The following MCM8 variants were observed in gnomAD, a reference collection of about 807,000 sequenced individuals.
The protein encoded by MCM8 is DNA helicase MCM8.
In MCM8, 85 loss-of-function variants were observed where a neutral mutation model predicts 98.9. The ratio of observed to expected loss-of-function variants is 0.86; its 90% confidence interval spans 0.72 to 1.03. The LOEUF (loss-of-function observed/expected upper bound fraction) is 1.03. Among genes scored for constraint, MCM8 ranks in the 50% least tolerant of loss-of-function variants. The probability of loss-of-function intolerance (pLI) is 0.00; values close to 1 mark genes in which losing one functional copy is unlikely to be tolerated. For synonymous variants in MCM8, 352 were observed against 338.6 expected (o/e 1.04, Z -0.44); for missense variants, 951 against 997.8 (o/e 0.95, Z 0.63).
In MCM8 at chr20:5,994,751, A is replaced by AAT. The variant is rs1491476750; in HGVS notation, c.*361_*362dup. The AAT allele has an allele frequency of 1.1e-5, 5 of 451,702 alleles. No individual in the cohort carries two copies. The highest frequency in any genetic ancestry group is 2.0e-5 in the African/African-American group (1 of 49,428). The allele number at this position is 451,702 out of a possible 1,614,324, so 28.0% of individuals were successfully genotyped here. A position where few individuals can be genotyped will look rare whatever the true frequency, so the allele number is the denominator to read the frequency against. On this transcript the variant is annotated 3_prime_UTR_variant, in exon 19 of 19. Coordinates refer to ENST00000610722, the MANE Select transcript of MCM8 (RefSeq NM_032485.6). The stretch of plus-strand genomic sequence containing the variant: ...CCATTTCTTAAAAAAAAAAAAAAAA[A>AAT]ATTTAAACTTAGCTGGGTATGGTGG...
rs78411050 is a variant in MCM8 at position 5,981,996 on chromosome 20, G to A, written c.1538-974G>A. On this transcript the variant is annotated intron_variant, in intron 13 of 18. Coordinates refer to ENST00000610722, the MANE Select transcript of MCM8 (RefSeq NM_032485.6). ...AAAGCTTAATACAATTAGAGGGGAAGTAACAGAGATAGAGAACAAAGGAAA... is the reference window on the plus strand; with the variant it reads ...AAAGCTTAATACAATTAGAGGGGAAATAACAGAGATAGAGAACAAAGGAAA... 9.2e-5 allele frequency among the ~76,000 whole-genome samples: 14 copies of A among 152,004 alleles called. No homozygotes were observed. The East Asian group carries it at 2.7e-3, about 29-fold the overall frequency.
intron 5 of MCM8, 125 bp from the exon 6 acceptor site, chr20:5,957,001 C>A: frequency 2.2e-6 from 1 of 461,044 alleles, no homozygotes. Context: ...ATTTAAAGGG[C>A]TGTTAAAGTT....
In MCM8 at chr20:5,996,647, A is replaced by G. The variant is rs542880794; in HGVS notation, c.*2256A>G. ...GACAGAAGAGAAAATATACTAATTT[A>G]TTGTTCAAAGAGGAAAATAAGTCTC... On this transcript the variant is annotated 3_prime_UTR_variant, in exon 19 of 19. Transcript: ENST00000610722. 2 of 152,368 alleles carry G rather than the reference A, an allele frequency of 1.3e-5. No individual in the cohort carries two copies. Among genetic ancestry groups the G allele is most frequent in the East Asian group, 3.8e-4 (2 of 5,196 alleles). 9.4% of individuals were successfully genotyped at this position (152,368 alleles called of 1,614,324 possible). A position where few individuals can be genotyped will look rare whatever the true frequency, so the allele number is the denominator to read the frequency against.
intron 5 of MCM8, among the ~76,000 whole-genome samples, chr20:5,955,861 C>T (rs2088966291): frequency 2.0e-5 from 3 of 152,078 alleles, no homozygotes; most frequent in Non-Finnish European, 4.4e-5. Flanking sequence ...TCACTGCAAC[C>T]TCTGCCTCCC....
intron 8 of MCM8, among the ~76,000 whole-genome samples, chr20:5,963,716 G>A (rs2089208905): frequency 6.6e-6 from 1 of 151,738 alleles, no homozygotes; most frequent in Non-Finnish European, 1.5e-5. Context: ...TTTTAGTAGA[G>A]GTTTAGTTTA....
chr20:5,997,121 C>A lies in MCM8; in HGVS notation c.*2730C>A, dbSNP rs1054331842. On this transcript the variant is annotated 3_prime_UTR_variant, in exon 19 of 19. Transcript: ENST00000610722. ...TAAAACAAATCCTAAGTACAAATGT[C>A]AGAACAGAAACATGCAAAGCAAGAA... 1.9e-4 allele frequency: 29 copies of A among 152,550 alleles called. No homozygotes were observed. Among genetic ancestry groups the A allele is most frequent in the African/African-American group, 7.0e-4 (29 of 41,372 alleles). 9.4% of individuals were successfully genotyped at this position (152,550 alleles called of 1,614,324 possible).
At chr20:5,990,009 A>G (rs1164435711) in intron 17 of MCM8, among the ~76,000 whole-genome samples, 1 of 152,030 alleles carries the variant, frequency 6.6e-6, no homozygotes, top group Admixed American at 6.5e-5. Flanking sequence ...CCTTTGAGCT[A>G]ATTTCTAACA....
chr20:5,982,851 A>G lies in MCM8; in HGVS notation c.1538-119A>G, dbSNP rs2089655821. On this transcript the variant is annotated intron_variant, in intron 13 of 18. Coordinates refer to ENST00000610722, the MANE Select transcript of MCM8 (RefSeq NM_032485.6). ...GTAATTCTCCATTGTATGACATTTT[A>G]TAATTTTAACTGCTGAAACAAATGG... is the stretch of plus-strand genomic sequence containing the variant. The G allele has an allele frequency of 3.5e-6, 3 of 845,378 alleles. No homozygotes were observed. The East Asian group carries it at 8.1e-5, about 23-fold the overall frequency. 52.4% of individuals were successfully genotyped at this position (845,378 alleles called of 1,614,324 possible).
chr20:5,952,073 A>G lies in MCM8; in HGVS notation c.58A>G (p.Arg20Gly), dbSNP rs537276367. 21 of 1,614,078 alleles carry G rather than the reference A, an allele frequency of 1.3e-5. 1 individual carries two copies. The South Asian group carries it at 2.2e-4, about 17-fold the overall frequency. ...ACGAGGAAGATTTCAAAGCTGGAAA[A>G]GGGGAAGAGGTGGTGGGAACTTCTC... Reference protein sequence around the residue: ...FGRGRFQSWKRGRGGGNFSGK... With the variant: ...FGRGRFQSWKGGRGGGNFSGK... Residue 20 changes from arginine to glycine, a missense_variant, in exon 2 of 19, where the codon AGG becomes GGG. Physicochemically the swap from Arg to Gly is moderately radical, Grantham distance 125. Coordinates refer to ENST00000610722, the MANE Select transcript of MCM8 (RefSeq NM_032485.6).
intron 6 of MCM8, among the ~76,000 whole-genome samples, chr20:5,958,126 A>C (rs2089035307): frequency 6.6e-6 from 1 of 152,254 alleles, no homozygotes; most frequent in Non-Finnish European, 1.5e-5. Flanking sequence ...TAATCCCAGC[A>C]CTGGGAGTCC....
chr20:5,975,415 T>C (rs1310724283), intron 12 of MCM8, among the ~76,000 whole-genome samples: 1 of 152,136 alleles, frequency 6.6e-6, no homozygotes, highest in Non-Finnish European at 1.5e-5. Flanking sequence ...GGAGCCTGTT[T>C]TAACCCCTAG....
chr20:5,983,070 G>A lies in MCM8; in HGVS notation c.1638G>A (p.Val546=). The A allele has an allele frequency of 6.2e-7, 1 of 1,614,078 alleles. No homozygotes were observed. The highest frequency in any genetic ancestry group is 8.5e-7 in the Non-Finnish European group (1 of 1,179,988). Residue 546 remains valine, a synonymous_variant, in exon 14 of 19, where the codon GTG becomes GTA. Transcript: ENST00000610722. ...QQSISLAKAG[V]VCSLPARTSI... Reference sequence around the variant, plus strand: ...GTATTAGTCTTGCTAAGGCTGGTGTGGTTTGTAGCCTTCCTGCAAGAACTT... The same window carrying A: ...GTATTAGTCTTGCTAAGGCTGGTGTAGTTTGTAGCCTTCCTGCAAGAACTT...
chr20:5,957,278 G>T (rs1193406774), intron 6 of MCM8, 49 bp downstream of exon 6: 3 of 1,393,912 alleles, frequency 2.2e-6, no homozygotes, highest in South Asian at 1.2e-5. Context: ...GACATTGAAG[G>T]CCATTTAAGA....
chr20:5,968,084 C>T, intron 10 of MCM8, 59 bp downstream of exon 10: 2 of 1,456,768 alleles, frequency 1.4e-6, no homozygotes, highest in Non-Finnish European at 1.9e-6. Flanking sequence ...GTTCTCTTGG[C>T]TACAGGTAAC....
intron 11 of MCM8, 68 bp downstream of exon 11, chr20:5,972,105 T>A: frequency 7.8e-7 from 1 of 1,277,942 alleles, no homozygotes. Flanking sequence ...ATAAAAACTT[T>A]ACAGAAAGTA....
chr20:5,960,647 G>A (rs750411267), intron 7 of MCM8, among the ~76,000 whole-genome samples: 10 of 152,106 alleles, frequency 6.6e-5, no homozygotes, highest in Admixed American at 1.3e-4. Context: ...TTAAGAAGCC[G>A]TTCTTCGGCT....
intron 8 of MCM8, chr20:5,965,129 G>A (rs1287195743): frequency 1.3e-5 from 2 of 152,128 alleles, no homozygotes; most frequent in Non-Finnish European, 2.9e-5. Flanking sequence ...TATAGGTCAT[G>A]TCTAACAAAA....
In MCM8 at chr20:5,972,009, C is replaced by T. The variant is rs771563950; in HGVS notation, c.1226C>T (p.Ser409Leu). 14 of 1,611,206 alleles carry T rather than the reference C, an allele frequency of 8.7e-6. No homozygotes were observed. The highest frequency in any genetic ancestry group is 2.2e-5 in the East Asian group (1 of 44,716). ...EENLFKLIVN[S>L]LCPVIFGHEL... ...ATAAGTTGTGTTCTGTTTTTCAGCTCGCTTTGCCCTGTCATTTTTGGTCAT... is the reference window on the plus strand; with the variant it reads ...ATAAGTTGTGTTCTGTTTTTCAGCTTGCTTTGCCCTGTCATTTTTGGTCAT... Residue 409 changes from serine to leucine, a missense_variant and splice_region_variant, in exon 11 of 19, where the codon TCG (serine) becomes TTG (leucine). Transcript: ENST00000610722.
At chr20:5,953,646 T>C (rs889974224) in intron 3 of MCM8, among the ~76,000 whole-genome samples, 23 of 152,026 alleles carry the variant, frequency 1.5e-4, no homozygotes, top group African/African-American at 5.6e-4. Flanking sequence ...GCTAATTTTT[T>C]CTGTTTTTAG....
Sources: gnomAD v4.1 joint callset for allele counts (sites outside exome capture counted in the v4.1 genomes callset) on GRCh38, gnomAD v4.1.1 for gene constraint, MANE v1.5 for transcripts, NCBI Gene and HGNC (gene_info 2026-07-23, HGNC 2026-07-21) for gene names.